The following SFSWAP variants were observed in gnomAD, a reference collection of about 807,000 sequenced individuals.
SFSWAP encodes splicing factor SWAP.
Under a neutral mutation model 100.7 loss-of-function variants are expected in SFSWAP, and 17 were observed. The ratio of observed to expected loss-of-function variants is 0.17; its 90% CI spans 0.12 to 0.25. The LOEUF is 0.25. Ranked by LOEUF, SFSWAP falls within the 10% of genes least tolerant of loss-of-function variation. The pLI is 1.00. For missense variants in SFSWAP, 1,005 were observed against 1,262.6 expected, an observed-to-expected ratio of 0.80 and a Z score of 3.09; for synonymous variants, 504 against 510.1, an observed-to-expected ratio of 0.99 and a Z score of 0.16.
intron 15 of SFSWAP, among the ~76,000 whole-genome samples, chr12:131,792,935 G>A (rs1885374513): frequency 6.6e-6 from 1 of 152,112 alleles, no homozygotes. Flanking sequence ...AGACTTACCA[G>A]AAAGCTACAG....
In SFSWAP at chr12:131,778,766, C is replaced by T. The variant is rs542018764; in HGVS notation, c.2408+436C>T. 2.1e-3 allele frequency among the ~76,000 whole-genome samples: 327 copies of T among 152,268 alleles called. 1 individual carries two copies. The highest frequency in any genetic ancestry group is 5.1e-3 in the Admixed American group (78 of 15,300). The stretch of plus-strand genomic sequence containing the variant: ...CTCCTGACCTCAGGTAATCCACCCA[C>T]CTTGGCCTCCCAGAGTGCTGGGATT... On this transcript the variant is annotated intron_variant, in intron 14 of 17. Transcript: ENST00000261674. This position sits in a 1 kb window ranked among gnomAD's most constrained non-coding sequence, Gnocchi z 4.2.
chr12:131,763,892 C>T (rs1882883490), intron 11 of SFSWAP, among the ~76,000 whole-genome samples: 1 of 151,358 alleles, frequency 6.6e-6, no homozygotes, highest in Non-Finnish European at 1.5e-5. Context: ...TTTGGGAGGC[C>T]GAGGCAGGCG....
intron 7 of SFSWAP, among the ~76,000 whole-genome samples, chr12:131,735,035 G>A (rs938271320): frequency 6.6e-6 from 1 of 152,190 alleles, no homozygotes. Flanking sequence ...TCACAAAAGT[G>A]GGAGGCAGCA....
chr12:131,760,636 G>A (rs928878377), intron 11 of SFSWAP, among the ~76,000 whole-genome samples: 3 of 152,090 alleles, frequency 2.0e-5, no homozygotes, highest in Non-Finnish European at 2.9e-5. Flanking sequence ...ATGGATGTTC[G>A]TTGTAGGGCA....
chr12:131,763,673 G>A (rs1336288039), intron 11 of SFSWAP, among the ~76,000 whole-genome samples: 1 of 152,144 alleles, frequency 6.6e-6, no homozygotes, highest in Admixed American at 6.5e-5. Context: ...AATGTTTGCT[G>A]AATAAAGGCA....
In SFSWAP at chr12:131,766,197, A is replaced by G. The variant is rs145970901; in HGVS notation, c.2031A>G (p.Lys677=). ...AGGCGTCTAAGGAGTCAAAAGAGAAACAGCTTCAAGCAGAACGTAAAAGGA... is the reference window on the plus strand; with the variant it reads ...AGGCGTCTAAGGAGTCAAAAGAGAAGCAGCTTCAAGCAGAACGTAAAAGGA... ...LAQASKESKE[K]QLQAERKRKA... Residue 677 remains lysine, a synonymous_variant, in exon 13 of 18, where the codon AAA becomes AAG. Coordinates refer to ENST00000261674, the MANE Select transcript of SFSWAP (RefSeq NM_004592.4). The G allele has an allele frequency of 3.7e-3, 6,001 of 1,614,214 alleles. 14 individuals are homozygous for G. The highest frequency in any genetic ancestry group is 4.2e-3 in the Non-Finnish European group (4,948 of 1,180,024).
rs570745729 is a variant in SFSWAP, at chr12:131,711,296, C to T, written c.67C>T (p.Pro23Ser). 9.3e-6 allele frequency: 15 copies of T among 1,613,236 alleles called. No individual in the cohort carries two copies. Among genetic ancestry groups the T allele is most frequent in the South Asian group, 4.4e-5 (4 of 91,064 alleles). The change falls in exon 1 of 18, where the codon CCA (proline) becomes TCA (serine). Residue 23 changes from proline to serine, a missense_variant. By Grantham distance (74) the Pro-to-Ser change is moderately conservative. Around this residue, in one of 7 missense-constraint regions of SFSWAP, gnomAD observed 237 missense variants for 337.0 expected, o/e 0.70. Transcript: ENST00000261674. The surrounding 1 kb of genome is among the most constrained non-coding windows in gnomAD (Gnocchi z 4.9). ...AAGCGGCGCGAAGGAGGAGGCCGGG[C>T]CAGGCGGTGCCGGCGGTGGGGGCAG... is the stretch of plus-strand genomic sequence containing the variant. ...RKSGAKEEAG[P>S]GGAGGGGSRV... is the part of the protein sequence containing the mutation.
intron 7 of SFSWAP, among the ~76,000 whole-genome samples, chr12:131,738,138 T>G (rs1428633209): frequency 6.6e-6 from 1 of 152,246 alleles, no homozygotes; most frequent in Non-Finnish European, 1.5e-5. Context: ...GCATGGCTAC[T>G]ATAGATATTT....
chr12:131,729,292 A>C (rs183683782), intron 7 of SFSWAP, among the ~76,000 whole-genome samples: 4 of 152,100 alleles, frequency 2.6e-5, no homozygotes, highest in Admixed American at 2.6e-4. Flanking sequence ...TCACTTACGC[A>C]CAGGAGTTTG....
chr12:131,787,090 C>T (rs1317223136), intron 15 of SFSWAP, among the ~76,000 whole-genome samples: 1 of 152,194 alleles, frequency 6.6e-6, no homozygotes, highest in African/African-American at 2.4e-5. Flanking sequence ...CATCGCTTAC[C>T]TCTTGACCAC....
At position 131,751,841 on chromosome 12, in the gene SFSWAP, G is replaced by C. The variant is rs374896024; in HGVS notation, c.1082-1282G>C. On this transcript the variant is annotated intron_variant, in intron 7 of 17. Transcript: ENST00000261674. ...TCCAAGGGTCTCATCCCCTGCTCCC[G>C]GCCTTTTCTCAGAAATGTTGCTCAG... Among the ~76,000 whole-genome samples the C allele has an allele frequency of 2.5e-4, 38 of 152,302 alleles. No individual in the cohort carries two copies. The East Asian group carries it at 6.7e-3, about 27-fold the overall frequency.
At chr12:131,779,855 T>C (rs568221427) in intron 14 of SFSWAP, among the ~76,000 whole-genome samples, 107 of 152,376 alleles carry the variant, frequency 7.0e-4, no homozygotes, top group Non-Finnish European at 1.4e-3. Flanking sequence ...GGCACGATCT[T>C]GGCTCACTGC....
intron 3 of SFSWAP, among the ~76,000 whole-genome samples, chr12:131,718,436 T>C (rs1167419945): frequency 6.6e-6 from 1 of 152,248 alleles, no homozygotes; most frequent in Admixed American, 6.5e-5. Context: ...GTGTGTCTTT[T>C]TAAACTGGTA....
Position 131,734,530 on chromosome 12 carries a change from A to T in SFSWAP, c.1081+6102A>T, listed in dbSNP as rs1175466917. 1.3e-5 allele frequency among the ~76,000 whole-genome samples: 2 copies of T among 152,058 alleles called. No individual in the cohort carries two copies. The highest frequency in any genetic ancestry group is 2.9e-5 in the Non-Finnish European group (2 of 68,034). On this transcript the variant is annotated intron_variant, in intron 7 of 17. Coordinates refer to ENST00000261674, the MANE Select transcript of SFSWAP (RefSeq NM_004592.4). The surrounding 1 kb of genome is among the most constrained non-coding windows in gnomAD (Gnocchi z 4.9). ...TGTTTTAGAGCCTGTTACGGTTTTG[A>T]GTTACACAGACATGTGTGGGCTTGT...
chr12:131,778,402 C>A lies in SFSWAP; in HGVS notation c.2408+72C>A. 6.5e-7 allele frequency: 1 copy of A among 1,548,866 alleles called. No individual in the cohort carries two copies. Among genetic ancestry groups the A allele is most frequent in the Non-Finnish European group, 8.7e-7 (1 of 1,151,364 alleles). ...GTCCTTCACAGGACACCCAGTAGAGCTAGGTAGAACGTTTAAAATCAGTGC... is the reference window on the plus strand; with the variant it reads ...GTCCTTCACAGGACACCCAGTAGAGATAGGTAGAACGTTTAAAATCAGTGC... On this transcript the variant is annotated intron_variant, in intron 14 of 17. Coordinates refer to ENST00000261674, the MANE Select transcript of SFSWAP (RefSeq NM_004592.4). The surrounding 1 kb of genome is among the most constrained non-coding windows in gnomAD (Gnocchi z 4.2).
At chr12:131,724,410 T>G (rs1036013707) in intron 4 of SFSWAP, among the ~76,000 whole-genome samples, 10 of 152,252 alleles carry the variant, frequency 6.6e-5, no homozygotes, top group African/African-American at 2.4e-4. Context: ...TTAAATTATT[T>G]GGGGATTAAT....
chr12:131,720,954 G>A (rs569738588), intron 4 of SFSWAP, among the ~76,000 whole-genome samples: 23 of 152,272 alleles, frequency 1.5e-4, no homozygotes, highest in Non-Finnish European at 2.5e-4. Context: ...ATTGGCTCAC[G>A]ATTCTGCAGG....
chr12:131,746,023 G>A (rs1178834318), intron 7 of SFSWAP, among the ~76,000 whole-genome samples: 3 of 152,168 alleles, frequency 2.0e-5, no homozygotes, highest in Non-Finnish European at 4.4e-5. Context: ...CATCGGTTAT[G>A]GTCTGGGAAA....
In SFSWAP at chr12:131,792,501, C is replaced by T. The variant is rs562646846; in HGVS notation, c.2535-4677C>T. Among the ~76,000 whole-genome samples, 3 of 146,068 alleles carry T rather than the reference C, an allele frequency of 2.1e-5. No individual in the cohort carries two copies. In the East Asian group the frequency reaches 6.1e-4, roughly 30 times the overall value. ...ACCCGTGTGTGTTCACAGACCAGTA[C>T]TGTGTGTGCATACGTGTGTGTTCAC... On this transcript the variant is annotated intron_variant, in intron 15 of 17. Transcript: ENST00000261674.
Sources: allele counts gnomAD v4.1 joint callset (sites outside exome capture counted in the v4.1 genomes callset), GRCh38; gene constraint gnomAD v4.1.1; regional missense constraint gnomAD v4.1.1; non-coding constraint Gnocchi (gnomAD v3.1); transcripts MANE v1.5; gene names NCBI Gene and HGNC (gene_info 2026-07-23, HGNC 2026-07-21).